The following PTPRM variants were observed in gnomAD, a reference collection of about 807,000 sequenced individuals.
The protein encoded by PTPRM is protein tyrosine phosphatase receptor type M, also known as receptor-type tyrosine-protein phosphatase mu.
A neutral mutation model predicts 186.7 loss-of-function variants in PTPRM; 47 were observed. That is an observed-to-expected ratio of 0.25 (90% CI 0.20 to 0.32). The LOEUF is 0.32. PTPRM is among the 10% of genes least tolerant of loss of function. The pLI is 1.00. For missense variants in PTPRM, 1,494 were observed against 1,865.0 expected, an observed-to-expected ratio of 0.80 and a Z score of 3.66; for synonymous variants, 668 against 674.9, an observed-to-expected ratio of 0.99 and a Z score of 0.16.
At chr18:8,379,050 G>C (rs9789240) in intron 27 of PTPRM, 117 bp from the exon 28 acceptor site, 300,790 of 770,396 alleles carry the variant, frequency 0.39, 61,309 homozygotes, top group East Asian at 0.53. Flanking sequence ...GGGGAGGGAG[G>C]GGGAAGGGAC....
intron 13 of PTPRM, among the ~76,000 whole-genome samples, chr18:8,142,674 C>G (rs1040780762): frequency 2.6e-5 from 4 of 152,290 alleles, no homozygotes; most frequent in African/African-American, 9.6e-5. Context: ...AAAGAAAATT[C>G]TAAGGAGGAA....
At chr18:8,023,466 G>A (rs928772462) in intron 7 of PTPRM, among the ~76,000 whole-genome samples, 6 of 152,066 alleles carry the variant, frequency 3.9e-5, no homozygotes, top group African/African-American at 1.4e-4. Context: ...GGATAATACT[G>A]GATATAGTTT....
intron 7 of PTPRM, among the ~76,000 whole-genome samples, chr18:8,001,362 C>G (rs1270358765): frequency 1.3e-5 from 2 of 152,126 alleles, no homozygotes; most frequent in Non-Finnish European, 2.9e-5. Context: ...ACTGCCACCT[C>G]CTCAGTTTTG....
chr18:7,707,003 A>C (rs1477556870), intron 1 of PTPRM, among the ~76,000 whole-genome samples: 2 of 152,100 alleles, frequency 1.3e-5, no homozygotes, highest in Non-Finnish European at 2.9e-5. Flanking sequence ...AACAAATACA[A>C]ACATTGACAT....
chr18:8,094,732 G>A (rs1051682473), intron 11 of PTPRM, among the ~76,000 whole-genome samples: 7 of 151,884 alleles, frequency 4.6e-5, no homozygotes, highest in African/African-American at 1.5e-4. Flanking sequence ...ATCAAGTGTC[G>A]CACATAGCCT....
At chr18:7,900,496 T>C (rs1275387667) in intron 3 of PTPRM, among the ~76,000 whole-genome samples, 1 of 152,208 alleles carries the variant, frequency 6.6e-6, no homozygotes, top group African/African-American at 2.4e-5. Context: ...ATATTTCTTA[T>C]AAATCTGGAT....
At chr18:8,300,835 T>A (rs1357926230) in intron 20 of PTPRM, among the ~76,000 whole-genome samples, 1 of 152,190 alleles carries the variant, frequency 6.6e-6, no homozygotes, top group African/African-American at 2.4e-5. Context: ...AATCTTCCTC[T>A]CACCTTCCAT....
chr18:7,795,044 A>G (rs943967074), intron 2 of PTPRM, among the ~76,000 whole-genome samples: 1 of 152,218 alleles, frequency 6.6e-6, no homozygotes, highest in Non-Finnish European at 1.5e-5. Flanking sequence ...TCTCTCGTCA[A>G]AAGATCAAAG....
intron 1 of PTPRM, 94 bp from the exon 2 acceptor site, chr18:7,774,043 TTTGGCATCAAAC>T: frequency 8.5e-7 from 1 of 1,170,008 alleles, no homozygotes; most frequent in Non-Finnish European, 1.2e-6. Flanking sequence ...TCAGATTTAG[TTTGGCATCAAAC>T]TTGGCATCAA....
In PTPRM at chr18:8,352,632, CTT is replaced by C. The variant is rs58235619; in HGVS notation, c.3054+9125_3054+9126del. On this transcript the variant is annotated intron_variant, in intron 23 of 32. Transcript: ENST00000580170. ...GACATGATTTCATTCTTTTTCTTTT[CTT>C]TTTTTTTTTTTTGGTTTGGTTTTTT... Among the ~76,000 whole-genome samples, 199 of 130,362 alleles carry C rather than the reference CTT, an allele frequency of 1.5e-3. 4 individuals carry two copies. Among genetic ancestry groups the C allele is most frequent in the Middle Eastern group, 4.0e-3 (1 of 250 alleles). The allele number at this position is 130,362 out of a possible 152,430, so 85.5% of individuals were successfully genotyped here. A position where few individuals can be genotyped will look rare whatever the true frequency, so the allele number is the denominator to read the frequency against.
At chr18:7,875,732 C>G (rs2048207079) in intron 2 of PTPRM, among the ~76,000 whole-genome samples, 1 of 152,154 alleles carries the variant, frequency 6.6e-6, no homozygotes, top group Non-Finnish European at 1.5e-5. Context: ...TCTCTCTATC[C>G]CGGTCACTCT....
intron 1 of PTPRM, among the ~76,000 whole-genome samples, chr18:7,716,309 T>C (rs1598425809): frequency 6.6e-6 from 1 of 152,166 alleles, no homozygotes; most frequent in African/African-American, 2.4e-5. Flanking sequence ...GCTAGCCATA[T>C]GTAGAAAACC....
At chr18:8,369,648 G>A (rs150991050) in intron 23 of PTPRM, among the ~76,000 whole-genome samples, 3,158 of 152,330 alleles carry the variant, frequency 0.021, 42 homozygotes, top group Middle Eastern at 0.041. Context: ...GATGCTCACA[G>A]AAGAAGTTAG....
intron 20 of PTPRM, among the ~76,000 whole-genome samples, chr18:8,314,344 A>G (rs1377890907): frequency 1.3e-5 from 2 of 152,172 alleles, no homozygotes; most frequent in Admixed American, 6.5e-5. Flanking sequence ...GACTAAGGCT[A>G]GGATCACATC....
intron 27 of PTPRM, 59 bp from the exon 28 acceptor site, chr18:8,379,108 G>C (rs2095715064): frequency 6.9e-7 from 1 of 1,449,484 alleles, no homozygotes; most frequent in East Asian, 2.5e-5. Context: ...AAAACTGCAC[G>C]TGAGAGGAGT....
intron 2 of PTPRM, among the ~76,000 whole-genome samples, chr18:7,806,763 G>A (rs1025449117): frequency 6.6e-6 from 1 of 152,152 alleles, no homozygotes; most frequent in African/African-American, 2.4e-5. Flanking sequence ...TTTGTAATGT[G>A]GAGGTGAATT....
At chr18:7,978,617 C>T (rs1458204532) in intron 7 of PTPRM, among the ~76,000 whole-genome samples, 1 of 152,158 alleles carries the variant, frequency 6.6e-6, no homozygotes, top group East Asian at 1.9e-4. Context: ...CTGTTTGACA[C>T]GTTAGCTTGG....
intron 1 of PTPRM, among the ~76,000 whole-genome samples, chr18:7,634,232 A>AT (rs369808006): frequency 3.9e-4 from 59 of 149,924 alleles, no homozygotes; most frequent in South Asian, 6.4e-4. Flanking sequence ...AAAGAACAGG[A>AT]TTTTTTTTTT....
intron 2 of PTPRM, among the ~76,000 whole-genome samples, chr18:7,778,204 G>T (rs1332267758): frequency 6.6e-6 from 1 of 152,192 alleles, no homozygotes; most frequent in Non-Finnish European, 1.5e-5. Context: ...AAGCTGGCTT[G>T]ATAACTACTC....
Sources: allele counts gnomAD v4.1 joint callset (sites outside exome capture counted in the v4.1 genomes callset), GRCh38; gene constraint gnomAD v4.1.1; transcripts MANE v1.5; gene names NCBI Gene and HGNC (gene_info 2026-07-23, HGNC 2026-07-21).